FAM241A: variants seen among roughly 807,000 people sequenced by gnomAD.
FAM241A encodes the protein family with sequence similarity 241 member A.
In FAM241A, 7 loss-of-function variants were observed where a neutral mutation model predicts 12.2. That is an observed-to-expected ratio of 0.58 (90% confidence interval 0.33 to 1.08). The LOEUF is 1.08. Among genes scored for constraint, FAM241A ranks in the 50% least tolerant of loss-of-function variants. The pLI is 0.04. For synonymous variants in FAM241A, 74 were observed against 68.2 expected (o/e 1.08, Z -0.42); for missense variants, 161 against 169.7 (o/e 0.95, Z 0.29).
chr4:112,166,738 T>C lies in FAM241A; in HGVS notation c.154-19955T>C, dbSNP rs541158489. On this transcript the variant is annotated intron_variant, in intron 1 of 1. Coordinates refer to ENST00000309733, the MANE Select transcript of FAM241A (RefSeq NM_152400.3). ...AGGAACTAATGCTTTGGAATATATG[T>C]GTTTAATAGTTTATTGAACAAATGG... 2.6e-5 allele frequency among the ~76,000 whole-genome samples: 4 copies of C among 152,324 alleles called. No individual in the cohort carries two copies. The South Asian group carries it at 8.3e-4, about 32-fold the overall frequency.
At position 112,194,144 on chromosome 4, in the gene FAM241A, CTGTT is replaced by C. The variant is rs1724220937; in HGVS notation, c.*7210_*7213del. 1 of 136,202 alleles carries C rather than the reference CTGTT, an allele frequency of 7.3e-6. No individual in the cohort carries two copies. Among genetic ancestry groups the C allele is most frequent in the Non-Finnish European group, 1.6e-5 (1 of 64,328 alleles). 8.4% of individuals were successfully genotyped at this position (136,202 alleles called of 1,614,324 possible). On this transcript the variant is annotated 3_prime_UTR_variant, in exon 2 of 2. Coordinates refer to ENST00000309733, the MANE Select transcript of FAM241A (RefSeq NM_152400.3). ...GGGAGTTCACTCATGATTTGGCTCT[CTGTT>C]TGTCTGTTATTGGTGTATAAGAATG...
At chr4:112,159,879 TCCACTGGTCA>T (rs1198837310) in intron 1 of FAM241A, among the ~76,000 whole-genome samples, 4 of 152,158 alleles carry the variant, frequency 2.6e-5, no homozygotes, top group Non-Finnish European at 5.9e-5. Flanking sequence ...GAGAAGGATG[TCCACTGGTCA>T]CCAGTGTTAC....
At chr4:112,151,559 G>A (rs551128027) in intron 1 of FAM241A, among the ~76,000 whole-genome samples, 13 of 152,136 alleles carry the variant, frequency 8.5e-5, no homozygotes, top group Non-Finnish European at 1.8e-4. Flanking sequence ...CTGAGATTTT[G>A]CATCTCTACA....
At chr4:112,160,027 A>G (rs1723430312) in intron 1 of FAM241A, among the ~76,000 whole-genome samples, 1 of 152,232 alleles carries the variant, frequency 6.6e-6, no homozygotes, top group Non-Finnish European at 1.5e-5. Flanking sequence ...ATTTGGAAAA[A>G]TCTAAGGACT....
At chr4:112,173,475 A>T (rs981284622) in intron 1 of FAM241A, among the ~76,000 whole-genome samples, 4 of 152,232 alleles carry the variant, frequency 2.6e-5, no homozygotes, top group Non-Finnish European at 5.9e-5. Flanking sequence ...GTTAATTACC[A>T]GCTAAAGTAC....
In FAM241A at chr4:112,188,089, G is replaced by A. The variant is rs904328275; in HGVS notation, c.*1151G>A. 12 of 152,070 alleles carry A rather than the reference G, an allele frequency of 7.9e-5. No homozygotes were observed. The highest frequency in any genetic ancestry group is 2.7e-4 in the African/African-American group (11 of 41,420). The allele number at this position is 152,070 out of a possible 1,614,324, so 9.4% of individuals were successfully genotyped here. ...ATTTTCAGGTTTTATATTGAAATAC[G>A]CATTTCTTTAAATATTCTTTGAAAA... is the stretch of plus-strand genomic sequence containing the variant. On this transcript the variant is annotated 3_prime_UTR_variant, in exon 2 of 2. Transcript: ENST00000309733.
At chr4:112,171,612 C>A (rs143173120) in intron 1 of FAM241A, 16,061 of 583,960 alleles carry the variant, frequency 0.028, 1,064 homozygotes, top group East Asian at 0.2. Context: ...GTGATCCCAG[C>A]ACTTTGGGAG....
In FAM241A at chr4:112,193,307, C is replaced by T. The variant is rs1318971859; in HGVS notation, c.*6369C>T. Reference sequence around the variant, plus strand: ...TGCCATTTTGTAAGTTGCCTGTTCACTCTGATGGTAGTTTCTTTTGCTGTG... The same window carrying T: ...TGCCATTTTGTAAGTTGCCTGTTCATTCTGATGGTAGTTTCTTTTGCTGTG... On this transcript the variant is annotated 3_prime_UTR_variant, in exon 2 of 2. Coordinates refer to ENST00000309733, the MANE Select transcript of FAM241A (RefSeq NM_152400.3). 1.3e-5 allele frequency: 2 copies of T among 152,128 alleles called. No homozygotes were observed. The highest frequency in any genetic ancestry group is 3.9e-4 in the East Asian group (2 of 5,192). The allele number at this position is 152,128 out of a possible 1,614,324, so 9.4% of individuals were successfully genotyped here.
chr4:112,171,490 GA>G, intron 1 of FAM241A: 1 of 777,444 alleles, frequency 1.3e-6, no homozygotes, highest in Non-Finnish European at 2.3e-6. Flanking sequence ...TTTGAACTGG[GA>G]GGAGATAAGG....
rs1192489249 is a variant in FAM241A at position 112,189,550 on chromosome 4, G to C, written c.*2612G>C. 1 of 152,108 alleles carries C rather than the reference G, an allele frequency of 6.6e-6. No homozygotes were observed. 9.4% of individuals were successfully genotyped at this position (152,108 alleles called of 1,614,324 possible). On this transcript the variant is annotated 3_prime_UTR_variant, in exon 2 of 2. Transcript: ENST00000309733. ...AGTAATTCAAAAGAAAAAGGTCGAA[G>C]TCTACAAATAAACAGACTGTAGATG...
chr4:112,179,914 G>GACATATATATATAT (rs1479640205), intron 1 of FAM241A, among the ~76,000 whole-genome samples: 7,272 of 117,328 alleles, frequency 0.062, 449 homozygotes, highest in East Asian at 0.15. Context: ...AAGAAAATGT[G>GACATATATATATAT]ATATATATAT....
chr4:112,174,288 C>G (rs1175088792), intron 1 of FAM241A, among the ~76,000 whole-genome samples: 1 of 152,200 alleles, frequency 6.6e-6, no homozygotes, highest in Non-Finnish European at 1.5e-5. Context: ...TCCCCAACCT[C>G]AAGTGTCTAA....
intron 1 of FAM241A, among the ~76,000 whole-genome samples, chr4:112,148,064 C>T (rs1723175222): frequency 6.6e-6 from 1 of 152,126 alleles, no homozygotes; most frequent in Admixed American, 6.5e-5. Flanking sequence ...GCTCCTCTAG[C>T]TCTTTCAATG....
chr4:112,154,149 A>G (rs545945279), intron 1 of FAM241A, among the ~76,000 whole-genome samples: 4 of 152,376 alleles, frequency 2.6e-5, no homozygotes, highest in African/African-American at 9.6e-5. Context: ...TAATAACAGC[A>G]GAAGCGAAAT....
In FAM241A at chr4:112,195,087, AC is replaced by A. The variant is rs1724242429; in HGVS notation, c.*8150del. 1 of 152,178 alleles carries A rather than the reference AC, an allele frequency of 6.6e-6. No homozygotes were observed. Among genetic ancestry groups the A allele is most frequent in the Non-Finnish European group, 1.5e-5 (1 of 68,052 alleles). 9.4% of individuals were successfully genotyped at this position (152,178 alleles called of 1,614,324 possible). A position where few individuals can be genotyped will look rare whatever the true frequency, so the allele number is the denominator to read the frequency against. The stretch of plus-strand genomic sequence containing the variant: ...GCACCCGGCCTACATTTTAATTTTT[AC>A]AAAAAACTCTTAAACTTTTTTGTGA... On this transcript the variant is annotated 3_prime_UTR_variant, in exon 2 of 2. Coordinates refer to ENST00000309733, the MANE Select transcript of FAM241A (RefSeq NM_152400.3).
At chr4:112,157,265 G>T (rs903511164) in intron 1 of FAM241A, among the ~76,000 whole-genome samples, 1 of 152,112 alleles carries the variant, frequency 6.6e-6, no homozygotes, top group Non-Finnish European at 1.5e-5. Flanking sequence ...AGAGAGGGAA[G>T]TCAATTGAAC....
chr4:112,183,007 T>G (rs1723971878), intron 1 of FAM241A, among the ~76,000 whole-genome samples: 1 of 152,008 alleles, frequency 6.6e-6, no homozygotes, highest in Non-Finnish European at 1.5e-5. Flanking sequence ...CCTTTCCACA[T>G]TCTTAAATGT....
rs1158017296 is a variant in FAM241A at position 112,191,557 on chromosome 4, T to C, written c.*4619T>C. 6.6e-6 allele frequency: 1 copy of C among 152,274 alleles called. No individual in the cohort carries two copies. Among genetic ancestry groups the C allele is most frequent in the African/African-American group, 2.4e-5 (1 of 41,454 alleles). 9.4% of individuals were successfully genotyped at this position (152,274 alleles called of 1,614,324 possible). A position where few individuals can be genotyped will look rare whatever the true frequency, so the allele number is the denominator to read the frequency against. ...TTTCCAGGATTCAACTATACTGAAC[T>C]TTTCCCCAGTTCCTTTAAAGAGACA... On this transcript the variant is annotated 3_prime_UTR_variant, in exon 2 of 2. Coordinates refer to ENST00000309733, the MANE Select transcript of FAM241A (RefSeq NM_152400.3).
chr4:112,160,080 A>G (rs1161611048), intron 1 of FAM241A, among the ~76,000 whole-genome samples: 1 of 152,234 alleles, frequency 6.6e-6, no homozygotes, highest in Non-Finnish European at 1.5e-5. Context: ...ATAAAGTTGC[A>G]TAATACAAAA....
Sources: allele counts gnomAD v4.1 joint callset (sites outside exome capture counted in the v4.1 genomes callset), GRCh38; gene constraint gnomAD v4.1.1; transcripts MANE v1.5; gene names NCBI Gene and HGNC (gene_info 2026-07-23, HGNC 2026-07-21).